The following C12orf42 variants were observed in gnomAD, a reference collection of about 807,000 sequenced individuals.
C12orf42 encodes uncharacterized protein C12orf42.
Under a neutral mutation model 21.6 loss-of-function variants are expected in C12orf42, and 25 were observed. That is an observed-to-expected ratio of 1.16 (90% CI 0.84 to 1.62). The LOEUF (loss-of-function observed/expected upper bound fraction) is 1.62. C12orf42 is among the 40% of genes most tolerant of loss of function. The pLI, the probability that C12orf42 is intolerant of heterozygous loss-of-function variation, is 0.00. For synonymous variants in C12orf42, 174 were observed against 175.0 expected (o/e 0.99, Z 0.05); for missense variants, 483 against 459.3 (o/e 1.05, Z -0.47).
chr12:103,270,352 G>A (rs527423087), intron 5 of C12orf42: 73 of 147,706 alleles, frequency 4.9e-4, no homozygotes, highest in African/African-American at 1.7e-3. Context: ...AAGTAAGGAG[G>A]GAAGGAAGGA....
chr12:103,247,745 C>G (rs2136186202), intron 10 of C12orf42, among the ~76,000 whole-genome samples: 1 of 152,074 alleles, frequency 6.6e-6, no homozygotes, highest in Admixed American at 6.6e-5. Context: ...GTACATGTCT[C>G]TAGTGGTTAG....
the C12orf42 span, among the ~76,000 whole-genome samples, chr12:103,146,531 A>AG: frequency 2.7e-5 from 4 of 147,066 alleles, no homozygotes; most frequent in Admixed American, 6.9e-5. Flanking sequence ...AAAGAAAGAA[A>AG]AGAAAGAAAG....
the C12orf42 span, among the ~76,000 whole-genome samples, chr12:103,099,976 A>T: frequency 6.6e-6 from 1 of 152,092 alleles, no homozygotes. Context: ...ACTACAGAAT[A>T]TTTTTGCCAG....
At chr12:103,111,114 C>A in the C12orf42 span, among the ~76,000 whole-genome samples, 218 of 152,196 alleles carry the variant, frequency 1.4e-3, no homozygotes, top group African/African-American at 5.1e-3. Context: ...TTTATTTATT[C>A]TTTCTATTAC....
chr12:103,559,382 G>GT, the C12orf42 span: 1,633 of 152,364 alleles, frequency 0.011, 12 homozygotes, highest in Middle Eastern at 0.034. Flanking sequence ...ACTTGGGCCT[G>GT]TTTTTTCCTG....
the C12orf42 span, among the ~76,000 whole-genome samples, chr12:103,186,747 G>A: frequency 6.6e-6 from 1 of 152,112 alleles, no homozygotes; most frequent in Non-Finnish European, 1.5e-5. Context: ...TGACACACCT[G>A]GAACCCAGTG....
intron 2 of C12orf42, among the ~76,000 whole-genome samples, chr12:103,408,882 C>A (rs138052171): frequency 6.6e-6 from 1 of 152,230 alleles, no homozygotes; most frequent in Non-Finnish European, 1.5e-5. Flanking sequence ...AGGAGATGAA[C>A]AAGTTATATT....
chr12:103,338,806 T>C (rs781665370), intron 4 of C12orf42, among the ~76,000 whole-genome samples: 1 of 152,114 alleles, frequency 6.6e-6, no homozygotes, highest in Non-Finnish European at 1.5e-5. Flanking sequence ...GGGTGGGATG[T>C]AGTCCAGCAG....
chr12:103,084,355 G>T, the C12orf42 span, among the ~76,000 whole-genome samples: 1 of 151,990 alleles, frequency 6.6e-6, no homozygotes, highest in African/African-American at 2.4e-5. Context: ...TTTCAGCTGG[G>T]GACTGCTGGC....
At chr12:103,485,977 C>T (rs555213176) in intron 1 of C12orf42, among the ~76,000 whole-genome samples, 77 of 152,268 alleles carry the variant, frequency 5.1e-4, no homozygotes, top group Non-Finnish European at 8.8e-4. Context: ...TTTCTCTTGC[C>T]TGATTGCCCT....
chr12:103,458,325 T>C (rs1319377580), intron 2 of C12orf42, among the ~76,000 whole-genome samples: 1 of 150,048 alleles, frequency 6.7e-6, no homozygotes, highest in Non-Finnish European at 1.5e-5. Context: ...TCTTTCTTTG[T>C]AGAAAAAAAA....
the C12orf42 span, among the ~76,000 whole-genome samples, chr12:103,118,658 C>T: frequency 1.1e-4 from 16 of 150,254 alleles, no homozygotes; most frequent in African/African-American, 3.4e-4. Flanking sequence ...ATTAGCCAGG[C>T]GTGGTGGTGG....
chr12:103,106,706 G>T, the C12orf42 span, among the ~76,000 whole-genome samples: 4 of 151,216 alleles, frequency 2.6e-5, no homozygotes, highest in African/African-American at 4.9e-5. Flanking sequence ...CAGGAAAAGA[G>T]GAGAAAAAAA....
chr12:103,468,438 T>C (rs1042745553), intron 2 of C12orf42, among the ~76,000 whole-genome samples: 1 of 152,222 alleles, frequency 6.6e-6, no homozygotes, highest in African/African-American at 2.4e-5. Flanking sequence ...ATAGGATGGC[T>C]ATGTAATTTT....
chr12:103,210,608 T>C, the C12orf42 span, among the ~76,000 whole-genome samples: 342 of 150,412 alleles, frequency 2.3e-3, 1 homozygote, highest in African/African-American at 7.9e-3. Context: ...CCATTGGTAA[T>C]ATCCTCATCT....
At chr12:103,484,707 G>C (rs1954704668) in intron 1 of C12orf42, among the ~76,000 whole-genome samples, 1 of 151,852 alleles carries the variant, frequency 6.6e-6, no homozygotes, top group Non-Finnish European at 1.5e-5. Flanking sequence ...CATTGCTTTT[G>C]GTGTTTTAGT....
intron 10 of C12orf42, among the ~76,000 whole-genome samples, chr12:103,243,031 A>T (rs2033829372): frequency 1.3e-5 from 2 of 151,840 alleles, no homozygotes; most frequent in East Asian, 1.9e-4. Flanking sequence ...GTTATGGGAA[A>T]TTTTTTTTAA....
At chr12:103,501,670 C>G in the C12orf42 span, among the ~76,000 whole-genome samples, 2 of 152,182 alleles carry the variant, frequency 1.3e-5, no homozygotes, top group Non-Finnish European at 1.5e-5. Context: ...ATTTTCATCA[C>G]AGCCATCATT....
chr12:103,414,723 C>T (rs1345523606), intron 2 of C12orf42, among the ~76,000 whole-genome samples: 2 of 152,158 alleles, frequency 1.3e-5, no homozygotes, highest in Admixed American at 1.3e-4. Context: ...AGAAATACTA[C>T]TGATTTTTAT....
Sources: allele counts gnomAD v4.1 joint callset (sites outside exome capture counted in the v4.1 genomes callset), GRCh38; gene constraint gnomAD v4.1.1; transcripts MANE v1.5; gene names NCBI Gene and HGNC (gene_info 2026-07-23, HGNC 2026-07-21).